The following SLC39A12 variants were observed in gnomAD, a reference collection of about 807,000 sequenced individuals.
SLC39A12 encodes the protein solute carrier family 39 member 12, also known as zinc transporter ZIP12.
In SLC39A12, 63 loss-of-function variants were observed where a neutral mutation model predicts 71.1. The observed-to-expected ratio is 0.89, with a 90% CI of 0.72 to 1.09. The LOEUF (loss-of-function observed/expected upper bound fraction) is 1.09, where lower values mean the gene tolerates loss of function less well. SLC39A12 is among the 50% of genes least tolerant of loss of function. The pLI is 0.00. For missense variants in SLC39A12, 892 were observed against 812.6 expected (o/e 1.10, Z -1.19); for synonymous variants, 351 against 301.3 (o/e 1.16, Z -1.71).
At chr10:17,952,783 G>A (rs1834437513) in intron 1 of SLC39A12, among the ~76,000 whole-genome samples, 1 of 152,028 alleles carries the variant, frequency 6.6e-6, no homozygotes, top group Non-Finnish European at 1.5e-5. Flanking sequence ...TACCGCGCCT[G>A]GCCTAAAACT....
intron 2 of SLC39A12, among the ~76,000 whole-genome samples, chr10:17,957,300 G>A (rs1270773335): frequency 6.6e-6 from 1 of 152,136 alleles, no homozygotes; most frequent in African/African-American, 2.4e-5. Flanking sequence ...TGTGGCTCCA[G>A]GATGTGGTGG....
At chr10:18,015,970 C>A (rs1475734758) in intron 12 of SLC39A12, among the ~76,000 whole-genome samples, 1 of 152,096 alleles carries the variant, frequency 6.6e-6, no homozygotes, top group African/African-American at 2.4e-5. Context: ...CCCACACATG[C>A]ACAACCACCC....
Position 17,987,526 on chromosome 10 carries a change from A to G in SLC39A12, c.1144A>G (p.Met382Val). 2 of 1,613,962 alleles carry G rather than the reference A, an allele frequency of 1.2e-6. No homozygotes were observed. Among genetic ancestry groups the G allele is most frequent in the East Asian group, 2.2e-5 (1 of 44,870 alleles). The change falls in exon 7 of 13, where the codon ATG (methionine) becomes GTG (valine). Residue 382 changes from methionine (M) to valine (V), a missense_variant. Coordinates refer to ENST00000377369, the MANE Select transcript of SLC39A12 (RefSeq NM_001145195.2). The part of the protein sequence containing the change: ...VAVTLLTLGS[M>V]LGTALVLFHS... ...TGTCACCCTTCTCACACTGGGCTCC[A>G]TGCTGGGGACAGCGCTGGTCCTTTT...
chr10:17,953,925 T>G (rs1554847488), intron 2 of SLC39A12, among the ~76,000 whole-genome samples: 1 of 152,232 alleles, frequency 6.6e-6, no homozygotes, highest in Non-Finnish European at 1.5e-5. Context: ...CGATCTGATA[T>G]TTGCCCAACA....
rs1351359068 is a variant in SLC39A12, at chr10:18,011,477, T to A, written c.1947+8119T>A. On this transcript the variant is annotated intron_variant, in intron 12 of 12. Transcript: ENST00000377369. ...TATAATACACAGAGCATATAAAATA[T>A]GTGTTAATTGTGTTATTGGTTAGGC... Among the ~76,000 whole-genome samples the A allele has an allele frequency of 3.9e-5, 6 of 152,338 alleles. No homozygotes were observed. The East Asian group carries it at 5.8e-4, about 15-fold the overall frequency.
intron 12 of SLC39A12, among the ~76,000 whole-genome samples, chr10:18,011,534 GT>G (rs1836223964): frequency 6.6e-6 from 1 of 152,216 alleles, no homozygotes; most frequent in East Asian, 1.9e-4. Context: ...AAGTCGTTAA[GT>G]TTTGGGAGAG....
intron 5 of SLC39A12, among the ~76,000 whole-genome samples, chr10:17,978,429 A>C (rs931950227): frequency 1.3e-5 from 2 of 152,160 alleles, no homozygotes; most frequent in African/African-American, 4.8e-5. Context: ...TATTTTTGCT[A>C]TTATGTATCT....
At chr10:17,957,736 C>T (rs1259644329) in intron 2 of SLC39A12, among the ~76,000 whole-genome samples, 4 of 152,142 alleles carry the variant, frequency 2.6e-5, no homozygotes. Flanking sequence ...AGCTTTTTGT[C>T]ATATCTATGT....
At chr10:17,961,168 A>G (rs1389852194) in intron 2 of SLC39A12, among the ~76,000 whole-genome samples, 5 of 152,212 alleles carry the variant, frequency 3.3e-5, no homozygotes, top group Admixed American at 3.3e-4. Flanking sequence ...ATAAAATCAC[A>G]GGGGCAGAAG....
At chr10:18,016,203 C>T (rs1197350835) in intron 12 of SLC39A12, among the ~76,000 whole-genome samples, 5 of 152,128 alleles carry the variant, frequency 3.3e-5, no homozygotes, top group African/African-American at 1.2e-4. Context: ...GTTTATTCTT[C>T]CTTCCCCCAA....
chr10:17,979,731 A>G (rs905393215), intron 5 of SLC39A12, among the ~76,000 whole-genome samples: 4 of 152,128 alleles, frequency 2.6e-5, no homozygotes, highest in African/African-American at 4.8e-5. Context: ...CACCCACAGG[A>G]GTGAGGTTGG....
At position 18,010,345 on chromosome 10, in the gene SLC39A12, T is replaced by C. The variant is rs575114845; in HGVS notation, c.1947+6987T>C. ...AAAGACATATGAAGTAACCTTGATA[T>C]ACGTATTTGTTTTCAACAAATATTG... On this transcript the variant is annotated intron_variant, in intron 12 of 12. Transcript: ENST00000377369. Among the ~76,000 whole-genome samples the C allele has an allele frequency of 1.6e-4, 24 of 152,368 alleles. No individual in the cohort carries two copies. In the South Asian group the frequency reaches 5.0e-3, roughly 32 times the overall value.
intron 12 of SLC39A12, among the ~76,000 whole-genome samples, chr10:18,026,411 C>A (rs751082002): frequency 2.0e-5 from 3 of 152,096 alleles, no homozygotes; most frequent in African/African-American, 7.2e-5. Context: ...TCTAAGAAGT[C>A]AGATACTTCT....
intron 2 of SLC39A12, among the ~76,000 whole-genome samples, chr10:17,959,188 G>A (rs72784716): frequency 0.085 from 12,939 of 151,874 alleles, 744 homozygotes; most frequent in Non-Finnish European, 0.12. Context: ...TTTGGGTCTT[G>A]GTGTCAGCCT....
chr10:18,038,058 C>G (rs1451116211), intron 12 of SLC39A12, among the ~76,000 whole-genome samples: 3 of 112,906 alleles, frequency 2.7e-5, no homozygotes, highest in Non-Finnish European at 5.1e-5. Context: ...AAAAGCACAG[C>G]TAACTGTATG....
intron 11 of SLC39A12, chr10:18,002,345 C>T (rs1367843181): frequency 6.6e-6 from 1 of 152,130 alleles, no homozygotes; most frequent in Admixed American, 6.6e-5. Flanking sequence ...AAGGTCCTCC[C>T]TGGGCTCATT....
At chr10:18,008,961 A>G (rs997694877) in intron 12 of SLC39A12, among the ~76,000 whole-genome samples, 4 of 152,158 alleles carry the variant, frequency 2.6e-5, no homozygotes, top group East Asian at 1.9e-4. Context: ...AAATTGCTCA[A>G]ATAGAAAAAA....
At position 18,031,217 on chromosome 10, in the gene SLC39A12, C is replaced by T. The variant is rs1214264776; in HGVS notation, c.1948-11488C>T. Among the ~76,000 whole-genome samples the T allele has an allele frequency of 4.8e-5, 7 of 147,136 alleles. No individual in the cohort carries two copies. The East Asian group carries it at 6.0e-4, about 13-fold the overall frequency. On this transcript the variant is annotated intron_variant, in intron 12 of 12. Coordinates refer to ENST00000377369, the MANE Select transcript of SLC39A12 (RefSeq NM_001145195.2). ...TTCTAGTTCTAGATCCCTGAGGACT[C>T]GCCACACTGACTTCCACAATGGTTG...
chr10:17,990,316 G>A (rs527440716), intron 7 of SLC39A12, among the ~76,000 whole-genome samples: 3 of 152,060 alleles, frequency 2.0e-5, no homozygotes, highest in Admixed American at 6.5e-5. Flanking sequence ...ATATACACAC[G>A]TACATATATG....
Sources: gnomAD v4.1 joint callset for allele counts (sites outside exome capture counted in the v4.1 genomes callset) on GRCh38, gnomAD v4.1.1 for gene constraint, MANE v1.5 for transcripts, NCBI Gene and HGNC (gene_info 2026-07-23, HGNC 2026-07-21) for gene names.